The following LEKR1 variants were observed in gnomAD, a reference collection of about 807,000 sequenced individuals.
LEKR1 encodes the protein protein LEKR1.
Under a neutral mutation model 72.4 loss-of-function variants are expected in LEKR1, and 59 were observed. That is an observed-to-expected ratio of 0.82 (90% CI 0.66 to 1.01). The LOEUF is 1.01. Ranked by LOEUF, LEKR1 falls within the 50% of genes least tolerant of loss-of-function variation. The probability of loss-of-function intolerance (pLI) is 0.00; values close to 1 mark genes in which losing one functional copy is unlikely to be tolerated. For missense variants in LEKR1, 728 were observed against 759.2 expected (o/e 0.96, Z 0.48); for synonymous variants, 257 against 263.2 (o/e 0.98, Z 0.23).
chr3:157,015,801 A>G (rs1452759822), intron 10 of LEKR1, among the ~76,000 whole-genome samples: 2 of 152,120 alleles, frequency 1.3e-5, no homozygotes, highest in African/African-American at 2.4e-5. Flanking sequence ...AACAAATATG[A>G]TAACTGTATT....
chr3:156,850,272 A>G (rs891096226), intron 2 of LEKR1, among the ~76,000 whole-genome samples: 59 of 151,688 alleles, frequency 3.9e-4, no homozygotes, highest in Admixed American at 3.8e-3. Flanking sequence ...ATATATTTGT[A>G]TATATTTACA....
At chr3:156,966,942 C>T (rs1041350590) in intron 6 of LEKR1, among the ~76,000 whole-genome samples, 3 of 152,174 alleles carry the variant, frequency 2.0e-5, no homozygotes, top group East Asian at 1.9e-4. Context: ...TCCAGAGGAA[C>T]GATCAGGCAG....
intron 6 of LEKR1, among the ~76,000 whole-genome samples, chr3:156,956,088 A>C (rs756056118): frequency 6.6e-6 from 1 of 151,962 alleles, no homozygotes; most frequent in Non-Finnish European, 1.5e-5. Context: ...AGGATATTAG[A>C]TATTCAGAAT....
chr3:156,864,962 T>G (rs1717148935), intron 3 of LEKR1, among the ~76,000 whole-genome samples: 2 of 152,054 alleles, frequency 1.3e-5, no homozygotes, highest in African/African-American at 4.8e-5. Context: ...TATTCAGCCC[T>G]GAAGCTTTAG....
intron 10 of LEKR1, among the ~76,000 whole-genome samples, chr3:157,011,996 A>C (rs983478475): frequency 1.5e-4 from 23 of 152,146 alleles, no homozygotes; most frequent in Non-Finnish European, 3.1e-4. Context: ...GTTTGCTGTT[A>C]GAGAACAAAA....
At chr3:157,003,474 AGG>A (rs1391248796) in intron 9 of LEKR1, among the ~76,000 whole-genome samples, 1 of 152,184 alleles carries the variant, frequency 6.6e-6, no homozygotes, top group African/African-American at 2.4e-5. Context: ...GGTAAAATCA[AGG>A]TGTCAGCAGG....
chr3:156,857,875 T>C (rs1477292348), intron 3 of LEKR1, among the ~76,000 whole-genome samples: 1 of 152,214 alleles, frequency 6.6e-6, no homozygotes. Flanking sequence ...GTTATACTTA[T>C]CTTTTCTAAT....
rs757692258 is a variant in LEKR1 at position 157,045,563 on chromosome 3, T to A, written c.1892T>A (p.Ile631Asn). ...SLARLNSEKG[I>N]QIPNLRGVSK... The stretch of plus-strand genomic sequence containing the variant: ...GCAAGACTGAACTCTGAAAAAGGAA[T>A]CCAAATTCCCAACCTGCGCGGGGTG... The change falls in exon 13 of 13, where the codon ATC (isoleucine) becomes AAC (asparagine). Residue 631 changes from isoleucine to asparagine, a missense_variant. By Grantham distance (149) the Ile-to-Asn change is moderately radical. Coordinates refer to ENST00000356539, the MANE Select transcript of LEKR1 (RefSeq NM_001004316.3). 1 of 1,613,924 alleles carries A rather than the reference T, an allele frequency of 6.2e-7. No individual in the cohort carries two copies. Among genetic ancestry groups the A allele is most frequent in the Non-Finnish European group, 8.5e-7 (1 of 1,180,010 alleles).
At chr3:156,883,442 G>A (rs902863112) in intron 3 of LEKR1, among the ~76,000 whole-genome samples, 3 of 152,144 alleles carry the variant, frequency 2.0e-5, no homozygotes, top group Non-Finnish European at 2.9e-5. Context: ...TTGAGAAGGC[G>A]TGATTGGTTT....
intron 6 of LEKR1, among the ~76,000 whole-genome samples, chr3:156,951,473 A>C (rs914558779): frequency 6.6e-6 from 1 of 151,542 alleles, no homozygotes; most frequent in Admixed American, 6.6e-5. Flanking sequence ...TTCAGCTGTG[A>C]ATCCATCAGC....
intron 12 of LEKR1, among the ~76,000 whole-genome samples, chr3:157,034,375 A>T (rs138595072): frequency 2.1e-3 from 315 of 152,326 alleles, no homozygotes; most frequent in African/African-American, 7.2e-3. Flanking sequence ...TAAAATATCA[A>T]TAATTACAAA....
At chr3:156,941,476 C>G (rs1276743889) in intron 5 of LEKR1, among the ~76,000 whole-genome samples, 1 of 152,088 alleles carries the variant, frequency 6.6e-6, no homozygotes, top group Non-Finnish European at 1.5e-5. Flanking sequence ...TACTGCATGT[C>G]TGTCCTATGT....
chr3:156,833,891 T>C (rs1712765859), intron 2 of LEKR1, among the ~76,000 whole-genome samples: 1 of 150,890 alleles, frequency 6.6e-6, no homozygotes, highest in South Asian at 2.1e-4. Context: ...CCTGAATCTC[T>C]CTTTCCCCTT....
chr3:156,933,049 CAAACAAA>C (rs1419846573), intron 5 of LEKR1, among the ~76,000 whole-genome samples: 4 of 151,846 alleles, frequency 2.6e-5, no homozygotes, highest in African/African-American at 9.7e-5. Context: ...AACAAACAAA[CAAACAAA>C]AATGGAGCAG....
At chr3:156,961,225 A>G (rs1728103039) in intron 6 of LEKR1, among the ~76,000 whole-genome samples, 1 of 152,258 alleles carries the variant, frequency 6.6e-6, no homozygotes, top group Non-Finnish European at 1.5e-5. Flanking sequence ...ATGATTTTGC[A>G]TATAACATTT....
chr3:156,890,352 A>G (rs62275249), intron 3 of LEKR1, among the ~76,000 whole-genome samples: 4,837 of 152,274 alleles, frequency 0.032, 117 homozygotes, highest in Non-Finnish European at 0.048. Flanking sequence ...GTATAGCTTC[A>G]CAATTCAGAG....
intron 3 of LEKR1, among the ~76,000 whole-genome samples, chr3:156,876,552 A>T (rs1362463491): frequency 1.3e-5 from 2 of 152,170 alleles, no homozygotes; most frequent in Non-Finnish European, 2.9e-5. Flanking sequence ...TTGGTTAGGT[A>T]TATTCCTAAG....
At position 156,942,577 on chromosome 3, in the gene LEKR1, T is replaced by A. The variant is rs768222129; in HGVS notation, c.608T>A (p.Val203Glu). The change falls in exon 6 of 13, where the codon GTA becomes GAA. Residue 203 changes from valine to glutamate, a missense_variant. Val to Glu is a moderately radical substitution (Grantham distance 121). Transcript: ENST00000356539. ...KSLTVSQRNK[V>E]CLEKEMKNLK... ...TTGACAGTATCCCAGAGAAATAAAGTATGCCTTGAAAAGGAAATGAAAAAT... is the reference window on the plus strand; with the variant it reads ...TTGACAGTATCCCAGAGAAATAAAGAATGCCTTGAAAAGGAAATGAAAAAT... The A allele has an allele frequency of 9.5e-6, 12 of 1,266,116 alleles. No homozygotes were observed. The highest frequency in any genetic ancestry group is 1.2e-5 in the Non-Finnish European group (12 of 973,368). 78.4% of individuals were successfully genotyped at this position (1,266,116 alleles called of 1,614,324 possible). A position where few individuals can be genotyped will look rare whatever the true frequency, so the allele number is the denominator to read the frequency against.
intron 9 of LEKR1, among the ~76,000 whole-genome samples, chr3:156,995,312 T>C (rs1419994885): frequency 6.6e-6 from 1 of 152,200 alleles, no homozygotes; most frequent in Non-Finnish European, 1.5e-5. Context: ...TTATTATGAC[T>C]ATAATCTTAC....
Sources: allele counts gnomAD v4.1 joint callset (sites outside exome capture counted in the v4.1 genomes callset), GRCh38; gene constraint gnomAD v4.1.1; transcripts MANE v1.5; gene names NCBI Gene and HGNC (gene_info 2026-07-23, HGNC 2026-07-21).